Variants in SOX5 observed in about 807,000 individuals in gnomAD.
The protein encoded by SOX5 is transcription factor SOX-5.
SOX5 carries 9 observed loss-of-function variants against 92.0 expected under a neutral mutation model. The ratio of observed to expected loss-of-function variants is 0.10; its 90% CI spans 0.06 to 0.17. The LOEUF is 0.17. Ranked by LOEUF, SOX5 falls within the 10% of genes least tolerant of loss-of-function variation. The probability of loss-of-function intolerance (pLI) is 1.00; values close to 1 mark genes in which losing one functional copy is unlikely to be tolerated. For synonymous variants in SOX5, 344 were observed against 336.3 expected, an observed-to-expected ratio of 1.02 and a Z score of -0.25; for missense variants, 642 against 944.5, an observed-to-expected ratio of 0.68 and a Z score of 4.20.
At chr12:24,505,892 G>A (rs1329188401) in intron 1 of SOX5, among the ~76,000 whole-genome samples, 1 of 61,776 alleles carries the variant, frequency 1.6e-5, no homozygotes, top group African/African-American at 7.1e-5. Context: ...TGCAGGAGAT[G>A]AGTCTAGTGC....
intron 4 of SOX5, among the ~76,000 whole-genome samples, chr12:24,074,756 C>T (rs557744709): frequency 1.4e-4 from 21 of 151,906 alleles, no homozygotes; most frequent in African/African-American, 4.8e-4. Flanking sequence ...TTCACTTTCG[C>T]CATTTCTCTG....
At chr12:24,060,591 A>G (rs534827448) in intron 4 of SOX5, among the ~76,000 whole-genome samples, 1 of 152,264 alleles carries the variant, frequency 6.6e-6, no homozygotes, top group Non-Finnish European at 1.5e-5. Context: ...ATCTTTTCCT[A>G]CGGGAAACAA....
At chr12:24,294,104 A>G (rs1315138959) in intron 2 of SOX5, among the ~76,000 whole-genome samples, 1 of 152,190 alleles carries the variant, frequency 6.6e-6, no homozygotes, top group Non-Finnish European at 1.5e-5. Context: ...TCAAAATGCT[A>G]AACAGAATTC....
chr12:24,176,518 T>G (rs1211858492), intron 4 of SOX5, among the ~76,000 whole-genome samples: 1 of 152,166 alleles, frequency 6.6e-6, no homozygotes. Context: ...CATGTGAATG[T>G]CATTACAGCC....
At chr12:23,879,801 G>C (rs2096967281) in intron 2 of SOX5, among the ~76,000 whole-genome samples, 1 of 152,118 alleles carries the variant, frequency 6.6e-6, no homozygotes, top group Non-Finnish European at 1.5e-5. Flanking sequence ...CAGGGCACTG[G>C]AGAACTGAAC....
chr12:24,205,352 T>C (rs1345172597), intron 4 of SOX5, among the ~76,000 whole-genome samples: 1 of 152,232 alleles, frequency 6.6e-6, no homozygotes, highest in Non-Finnish European at 1.5e-5. Flanking sequence ...TCCTGAGTGC[T>C]GCTTCTGTGC....
intron 2 of SOX5, chr12:24,368,261 AT>A (rs1956365960): frequency 6.6e-6 from 1 of 152,114 alleles, no homozygotes; most frequent in African/African-American, 2.4e-5. Context: ...GTCTACTTTC[AT>A]TTGCCTTCAA....
intron 1 of SOX5, among the ~76,000 whole-genome samples, chr12:24,504,442 T>G (rs116374458): frequency 6.6e-6 from 1 of 152,158 alleles, no homozygotes; most frequent in Non-Finnish European, 1.5e-5. Context: ...ACCGATAAAT[T>G]TTTTAAGAGA....
intron 7 of SOX5, among the ~76,000 whole-genome samples, chr12:23,661,724 T>C (rs2083076214): frequency 6.6e-6 from 1 of 152,204 alleles, no homozygotes; most frequent in South Asian, 2.1e-4. Context: ...ACTCAGACTT[T>C]CCAGCAGGAG....
At chr12:24,452,255 T>A (rs1942418539) in intron 1 of SOX5, among the ~76,000 whole-genome samples, 1 of 152,192 alleles carries the variant, frequency 6.6e-6, no homozygotes, top group South Asian at 2.1e-4. Flanking sequence ...TTGACATACA[T>A]CTCTTCAGAA....
At chr12:23,803,320 C>T (rs2095698530) in intron 3 of SOX5, among the ~76,000 whole-genome samples, 1 of 152,178 alleles carries the variant, frequency 6.6e-6, no homozygotes, top group Non-Finnish European at 1.5e-5. Context: ...AGCTCCTACT[C>T]TTTGCTCTCT....
In SOX5 at chr12:23,841,152, G is replaced by T. The variant is rs75718408; in HGVS notation, c.481+4831C>A. Among the ~76,000 whole-genome samples, 857 of 151,942 alleles carry T rather than the reference G, an allele frequency of 5.6e-3. 7 individuals are homozygous for T. The highest frequency in any genetic ancestry group is 0.02 in the African/African-American group (811 of 41,464). On this transcript the variant is annotated intron_variant, in intron 3 of 14. Transcript: ENST00000451604. ...AACTCATTCACAAGAAAATGATTCA[G>T]TTAAATCAAAAAAAGATCTAACCAG... is the stretch of plus-strand genomic sequence containing the variant.
rs553684716 is a variant in SOX5 at position 24,131,915 on chromosome 12, GCATT to G, written c.-2+81424_-2+81427del. Among the ~76,000 whole-genome samples the G allele has an allele frequency of 2.9e-3, 436 of 152,194 alleles. 1 individual carries two copies. The highest frequency in any genetic ancestry group is 4.7e-3 in the Non-Finnish European group (322 of 67,980). On this transcript the variant is annotated intron_variant, in intron 4 of 4. Coordinates refer to the SOX5 transcript ENST00000446891. ...TTTGTCTACACGGACTAGATTTCCT[GCATT>G]TTTTCTTTTTTATCTCTCATGTCAG...
chr12:24,382,011 C>T (rs1310757268), intron 1 of SOX5, among the ~76,000 whole-genome samples: 1 of 152,168 alleles, frequency 6.6e-6, no homozygotes, highest in Non-Finnish European at 1.5e-5. Context: ...AGTATTGTTC[C>T]ATTTGCGAGG....
At chr12:23,931,789 G>A (rs1157111255) in intron 1 of SOX5, among the ~76,000 whole-genome samples, 1 of 151,626 alleles carries the variant, frequency 6.6e-6, no homozygotes, top group Non-Finnish European at 1.5e-5. Context: ...AAGAACAAAT[G>A]TTGTAGTTCT....
intron 4 of SOX5, among the ~76,000 whole-genome samples, chr12:23,989,304 A>T (rs1050957906): frequency 3.3e-5 from 5 of 151,222 alleles, no homozygotes; most frequent in Non-Finnish European, 7.4e-5. Context: ...AGGTGGGAAG[A>T]TTTCTTAAGC....
At chr12:23,612,797 G>T (rs1344034352) in intron 8 of SOX5, among the ~76,000 whole-genome samples, 1 of 152,096 alleles carries the variant, frequency 6.6e-6, no homozygotes, top group Non-Finnish European at 1.5e-5. Flanking sequence ...TTTAAGAGGA[G>T]GAACAGGGAA....
chr12:24,393,628 G>A lies in SOX5; in HGVS notation c.-250-24989C>T, dbSNP rs996378698. 6.6e-5 allele frequency among the ~76,000 whole-genome samples: 10 copies of A among 152,204 alleles called. No homozygotes were observed. Among genetic ancestry groups the A allele is most frequent in the Middle Eastern group, 3.4e-3 (1 of 294 alleles). ...TTATGAAATAGATAATCTTTTATAC[G>A]GATTACGCTTTAAGACATGGCCCTT... On this transcript the variant is annotated intron_variant, in intron 1 of 4. Transcript: ENST00000446891. The surrounding 1 kb of genome is among the most constrained non-coding windows in gnomAD (Gnocchi z 5.0).
intron 8 of SOX5, among the ~76,000 whole-genome samples, chr12:23,625,236 C>T (rs1445710913): frequency 7.2e-5 from 11 of 152,178 alleles, no homozygotes; most frequent in Non-Finnish European, 7.3e-5. Context: ...TCCACCTCTA[C>T]GTTTTTCCTT....
Sources: allele counts gnomAD v4.1 joint callset (sites outside exome capture counted in the v4.1 genomes callset), GRCh38; gene constraint gnomAD v4.1.1; non-coding constraint Gnocchi (gnomAD v3.1); transcripts MANE v1.5; gene names NCBI Gene and HGNC (gene_info 2026-07-23, HGNC 2026-07-21).